Variants in RAB34 observed in about 807,000 individuals in gnomAD.
RAB34 encodes ras-related protein Rab-34.
RAB34 carries 33 observed loss-of-function variants against 39.0 expected under a neutral mutation model. The observed-to-expected ratio is 0.85, with a 90% confidence interval of 0.64 to 1.13. The LOEUF is 1.13. RAB34 is among the 50% of genes most tolerant of loss of function. The pLI is 0.00. For synonymous variants in RAB34, 135 were observed against 125.1 expected, an observed-to-expected ratio of 1.08 and a Z score of -0.53; for missense variants, 289 against 326.1, an observed-to-expected ratio of 0.89 and a Z score of 0.88.
rs2033806450 is a variant in RAB34 at position 28,717,862 on chromosome 17, A to G, written c.-596T>C. ...GTCCCACTCCGCTCGGGCTCCGCCA[A>G]CGCTGTAACACGATCCCCGGAAATT... On this transcript the variant is annotated 5_prime_UTR_variant, in exon 1 of 10. Transcript: ENST00000395245. 1 of 1,349,234 alleles carries G rather than the reference A, an allele frequency of 7.4e-7. No individual in the cohort carries two copies. The highest frequency in any genetic ancestry group is 1.5e-5 in the African/African-American group (1 of 65,012). The allele number at this position is 1,349,234 out of a possible 1,614,324, so 83.6% of individuals were successfully genotyped here.
intron 5 of RAB34, 48 bp from the exon 6 acceptor site, chr17:28,715,555 T>C: frequency 6.2e-7 from 1 of 1,614,140 alleles, no homozygotes; most frequent in Non-Finnish European, 8.5e-7. Context: ...AAGACACTAC[T>C]GCTCATTTCC....
In RAB34 at chr17:28,715,291, G is replaced by A. The variant is rs2033173645; in HGVS notation, c.432-15C>T. On this transcript the variant is annotated splice_polypyrimidine_tract_variant and intron_variant, in intron 6 of 9. Coordinates refer to ENST00000395245, the MANE Select transcript of RAB34 (RefSeq NM_031934.6). ...CCAGCCACTGCCTGCCATGGGAGGT[G>A]GAAAGTAAGGGATGAGTGAGTCTGC... The A allele has an allele frequency of 6.2e-7, 1 of 1,609,996 alleles. No homozygotes were observed.
At chr17:28,717,964 C>G (rs1029823307), upstream of RAB34, 3 of 1,068,958 alleles carry the variant, frequency 2.8e-6, no homozygotes, top group Admixed American at 1.4e-4. Flanking sequence ...CCCCTCCTCT[C>G]CACCCTTCTG....
chr17:28,717,182 G>A (rs761930317), intron 1 of RAB34, 31 bp downstream of exon 1: 1 of 1,584,832 alleles, frequency 6.3e-7, no homozygotes, highest in Admixed American at 1.7e-5. Flanking sequence ...CCGGGCTGTA[G>A]ACTGAAGCCC....
chr17:28,716,381 TA>T, intron 2 of RAB34: 1 of 354,200 alleles, frequency 2.8e-6, no homozygotes, highest in Non-Finnish European at 5.2e-6. Flanking sequence ...TTGTGAAGGT[TA>T]AAATGAGATA....
intron 6 of RAB34, 28 bp from the exon 7 acceptor site, chr17:28,715,304 T>C: frequency 6.2e-7 from 1 of 1,605,652 alleles, no homozygotes; most frequent in Non-Finnish European, 8.5e-7. Context: ...AAGTAAGGGA[T>C]GAGTGAGTCT....
intron 2 of RAB34, 48 bp from the exon 3 acceptor site, chr17:28,716,106 C>T: frequency 6.2e-7 from 1 of 1,611,816 alleles, no homozygotes; most frequent in Non-Finnish European, 8.5e-7. Context: ...AGCTCTTTCA[C>T]CCTAGGGAGT....
intron 2 of RAB34, chr17:28,716,627 A>G (rs2033490738): frequency 5.6e-6 from 2 of 358,686 alleles, no homozygotes; most frequent in Non-Finnish European, 1.0e-5. Flanking sequence ...CATGGATGCT[A>G]TGTGGGGATC....
At position 28,714,445 on chromosome 17, in the gene RAB34, T is replaced by C. The variant is rs2032987649; in HGVS notation, c.*198A>G. 1 of 1,153,588 alleles carries C rather than the reference T, an allele frequency of 8.7e-7. No homozygotes were observed. The allele number at this position is 1,153,588 out of a possible 1,614,324, so 71.5% of individuals were successfully genotyped here. A position where few individuals can be genotyped will look rare whatever the true frequency, so the allele number is the denominator to read the frequency against. ...ACAGTCCCCTGAGGAGTAGGGGGCA[T>C]CCAGTCTTTGGCACGGTGCCTGGGG... is the stretch of plus-strand genomic sequence containing the variant. On this transcript the variant is annotated 3_prime_UTR_variant, in exon 10 of 10. Coordinates refer to ENST00000395245, the MANE Select transcript of RAB34 (RefSeq NM_031934.6).
In RAB34 at chr17:28,715,055, T is replaced by C; in HGVS notation, c.581A>G (p.Tyr194Cys). The C allele has an allele frequency of 6.2e-7, 1 of 1,614,080 alleles. No homozygotes were observed. The highest frequency in any genetic ancestry group is 8.5e-7 in the Non-Finnish European group (1 of 1,179,968). Residue 194 changes from tyrosine (Y) to cysteine (C), a missense_variant, in exon 8 of 10, where the codon TAC (tyrosine) becomes TGC (cysteine). Coordinates refer to ENST00000395245, the MANE Select transcript of RAB34 (RefSeq NM_031934.6). ...LQVAQEMKAE[Y>C]WAVSSLTGEN... ...ACCAGTGAGAGATGAGACTGCCCAG[T>C]ACTCAGCCTTCATCTCCTGGGCCAC...
rs889029746 is a variant in RAB34, at chr17:28,717,391, C to T, written c.-125G>A. The T allele has an allele frequency of 6.6e-7, 1 of 1,523,566 alleles. No homozygotes were observed. The highest frequency in any genetic ancestry group is 8.8e-7 in the Non-Finnish European group (1 of 1,138,394). 94.4% of individuals were successfully genotyped at this position (1,523,566 alleles called of 1,614,324 possible). On this transcript the variant is annotated 5_prime_UTR_variant, in exon 1 of 10. It adds an upstream start codon to the 5' untranslated region. Transcript: ENST00000395245. ...GTGTCCCGACTACAACTCGGGGCCACGGGGACCCTACGGGAGTCCGCGGTC... is the reference window on the plus strand; with the variant it reads ...GTGTCCCGACTACAACTCGGGGCCATGGGGACCCTACGGGAGTCCGCGGTC...
chr17:28,716,997 T>A lies in RAB34; in HGVS notation c.55-3A>T. On this transcript the variant is annotated splice_region_variant and splice_polypyrimidine_tract_variant and intron_variant, in intron 1 of 9. Transcript: ENST00000395245. ...AAAGCGGCCTCCTTCCTCAGGCACT[T>A]AGTGGGAAGGATGGAAGAGAATGGA... 6.2e-7 allele frequency: 1 copy of A among 1,613,252 alleles called. No homozygotes were observed. Among genetic ancestry groups the A allele is most frequent in the Admixed American group, 1.7e-5 (1 of 59,988 alleles).
chr17:28,715,145 G>T, intron 7 of RAB34, 23 bp from the exon 8 acceptor site: 1 of 1,613,484 alleles, frequency 6.2e-7, no homozygotes, highest in Non-Finnish European at 8.5e-7. Context: ...CAGAGTCAGA[G>T]GGGGGCATTC....
chr17:28,714,440 G>A lies in RAB34; in HGVS notation c.*203C>T. On this transcript the variant is annotated 3_prime_UTR_variant, in exon 10 of 10. Transcript: ENST00000395245. The stretch of plus-strand genomic sequence containing the variant: ...CCTGGACAGTCCCCTGAGGAGTAGG[G>A]GGCATCCAGTCTTTGGCACGGTGCC... The A allele has an allele frequency of 9.3e-7, 1 of 1,075,572 alleles. No homozygotes were observed. Among genetic ancestry groups the A allele is most frequent in the Non-Finnish European group, 1.4e-6 (1 of 716,824 alleles). The allele number at this position is 1,075,572 out of a possible 1,614,324, so 66.6% of individuals were successfully genotyped here.
Position 28,717,595 on chromosome 17 carries a change from T to A in RAB34, c.-329A>T. The stretch of plus-strand genomic sequence containing the variant: ...GTGGGGGCCGGGCCCGCGCAGACCC[T>A]ACGATTACGCGGGGCCGGATAGTTC... On this transcript the variant is annotated 5_prime_UTR_variant, in exon 1 of 10. Coordinates refer to ENST00000395245, the MANE Select transcript of RAB34 (RefSeq NM_031934.6). The A allele has an allele frequency of 7.1e-7, 1 of 1,403,604 alleles. No homozygotes were observed. The highest frequency in any genetic ancestry group is 9.2e-7 in the Non-Finnish European group (1 of 1,083,132). The allele number at this position is 1,403,604 out of a possible 1,614,324, so 86.9% of individuals were successfully genotyped here.
chr17:28,717,267 C>T lies in RAB34; in HGVS notation c.-1G>A. ...TCCGCACGGGTGCCAGAATGTTCAT[C>T]CTGCCTGCGGCCTTGCAGGGCGCCC... is the stretch of plus-strand genomic sequence containing the variant. On this transcript the variant is annotated 5_prime_UTR_variant, in exon 1 of 10. Transcript: ENST00000395245. The T allele has an allele frequency of 6.2e-7, 1 of 1,603,982 alleles. No homozygotes were observed. The highest frequency in any genetic ancestry group is 8.5e-7 in the Non-Finnish European group (1 of 1,177,672).
At position 28,717,518 on chromosome 17, in the gene RAB34, C is replaced by G. The variant is rs12952613; in HGVS notation, c.-252G>C. The G allele has an allele frequency of 2.8e-6, 4 of 1,427,314 alleles. No individual in the cohort carries two copies. Among genetic ancestry groups the G allele is most frequent in the Non-Finnish European group, 2.7e-6 (3 of 1,093,508 alleles). The allele number at this position is 1,427,314 out of a possible 1,614,324, so 88.4% of individuals were successfully genotyped here. ...GGCCCTGGGCGTCCCGAAGATGACT[C>G]TGGGGCGAGGAGACTCTTCGGCCGC... On this transcript the variant is annotated 5_prime_UTR_variant, in exon 1 of 10. Transcript: ENST00000395245.
Position 28,715,453 on chromosome 17 carries a change from T to C in RAB34, c.431+3A>G. ...CCCATTATATTGCAGGATGCTCACT[T>C]ACTTGGTATGTTCCAGAGATGCCAC... is the stretch of plus-strand genomic sequence containing the variant. On this transcript the variant is annotated splice_donor_region_variant and intron_variant, in intron 6 of 9. Transcript: ENST00000395245. 1 of 1,613,966 alleles carries C rather than the reference T, an allele frequency of 6.2e-7. No individual in the cohort carries two copies. Among genetic ancestry groups the C allele is most frequent in the South Asian group, 1.1e-5 (1 of 91,078 alleles).
In RAB34 at chr17:28,717,284, A is replaced by G; in HGVS notation, c.-18T>C. The G allele has an allele frequency of 6.3e-7, 1 of 1,593,476 alleles. No homozygotes were observed. ...ATGTTCATCCTGCCTGCGGCCTTGC[A>G]GGGCGCCCTGAGAAGGCGCCGAGGC... On this transcript the variant is annotated 5_prime_UTR_variant, in exon 1 of 10. Coordinates refer to ENST00000395245, the MANE Select transcript of RAB34 (RefSeq NM_031934.6).
Sources: gnomAD v4.1 joint callset for allele counts on GRCh38, gnomAD v4.1.1 for gene constraint, MANE v1.5 for transcripts, NCBI Gene and HGNC (gene_info 2026-07-23, HGNC 2026-07-21) for gene names.